The following EDA variants were observed in gnomAD, a reference collection of about 807,000 sequenced individuals.
EDA encodes the protein ectodysplasin-A.
EDA carries 2 observed loss-of-function variants against 23.6 expected under a neutral mutation model. That is an observed-to-expected ratio of 0.08 (90% confidence interval 0.03 to 0.27). The LOEUF (loss-of-function observed/expected upper bound fraction) is 0.27. Ranked by LOEUF, EDA falls within the 10% of genes least tolerant of loss-of-function variation. The probability of loss-of-function intolerance (pLI) is 1.00; values close to 1 mark genes in which losing one functional copy is unlikely to be tolerated. For synonymous variants in EDA, 131 were observed against 132.0 expected (o/e 0.99, Z 0.05); for missense variants, 229 against 324.2 (o/e 0.71, Z 2.26).
intron 1 of EDA, among the ~76,000 whole-genome samples, chrX:69,625,484 A>G (rs1932349739): frequency 9.0e-6 from 1 of 111,147 alleles, no homozygotes. Context: ...AGGCATATAT[A>G]TCAATGGAAC....
At chrX:69,714,408 A>G (rs2012229009) in intron 1 of EDA, among the ~76,000 whole-genome samples, 1 of 111,456 alleles carries the variant, frequency 9.0e-6, no homozygotes, top group South Asian at 3.7e-4. Flanking sequence ...AAATTTTGGT[A>G]AGGTCCAATT....
At chrX:70,023,722 G>A (rs927177606) in intron 3 of EDA, among the ~76,000 whole-genome samples, 3 of 110,354 alleles carry the variant, frequency 2.7e-5, no homozygotes, top group Non-Finnish European at 3.8e-5. Flanking sequence ...AACTAGATAC[G>A]CTACCTATCA....
At chrX:69,938,872 G>A (rs949394465) in intron 1 of EDA, among the ~76,000 whole-genome samples, 1 of 112,118 alleles carries the variant, frequency 8.9e-6, no homozygotes, top group African/African-American at 3.2e-5. Flanking sequence ...CCAAATGTAT[G>A]TTCTTGGAAC....
At chrX:69,981,351 G>A (rs1048382492) in intron 2 of EDA, among the ~76,000 whole-genome samples, 1 of 111,801 alleles carries the variant, frequency 8.9e-6, no homozygotes, top group Non-Finnish European at 1.9e-5. Context: ...AGAGAATTGA[G>A]CAGGAAATGT....
chrX:69,953,977 C>T (rs1314536071), intron 1 of EDA, among the ~76,000 whole-genome samples: 3 of 111,233 alleles, frequency 2.7e-5, no homozygotes, highest in African/African-American at 3.3e-5. Flanking sequence ...GTTACAAAAG[C>T]GTGTATATTT....
intron 1 of EDA, among the ~76,000 whole-genome samples, chrX:69,851,186 CGT>C (rs1402331408): frequency 1.3e-5 from 1 of 76,838 alleles, no homozygotes; most frequent in Admixed American, 1.3e-4. Context: ...TGTGTGTGCA[CGT>C]GTGTGTATAA....
chrX:69,833,091 TGA>T (rs1278611595), intron 1 of EDA, among the ~76,000 whole-genome samples: 19 of 111,680 alleles, frequency 1.7e-4, no homozygotes, highest in African/African-American at 5.9e-4. Flanking sequence ...ATAGGAGTGG[TGA>T]GAGAGGGCAT....
At chrX:69,692,398 C>T (rs1297780849) in intron 1 of EDA, among the ~76,000 whole-genome samples, 1 of 111,455 alleles carries the variant, frequency 9.0e-6, no homozygotes, top group Non-Finnish European at 1.9e-5. Flanking sequence ...GGGTAACTTT[C>T]ATCTCAATAG....
chrX:69,648,570 G>A (rs1432544831), intron 1 of EDA, among the ~76,000 whole-genome samples: 1 of 112,394 alleles, frequency 8.9e-6, no homozygotes, highest in Non-Finnish European at 1.9e-5. Flanking sequence ...CTGAGTCTAC[G>A]GATCAGCAGA....
intron 1 of EDA, among the ~76,000 whole-genome samples, chrX:69,815,510 C>T (rs1212006911): frequency 9.0e-6 from 1 of 111,453 alleles, no homozygotes; most frequent in African/African-American, 3.3e-5. Context: ...GTGGAGAAAA[C>T]AGACAGTCTG....
At chrX:69,929,778 A>G (rs1334646169) in intron 1 of EDA, among the ~76,000 whole-genome samples, 1 of 104,150 alleles carries the variant, frequency 9.6e-6, no homozygotes, top group African/African-American at 3.5e-5. Context: ...AATTCTTCTA[A>G]AATGGGAGAC....
rs1176391668 is a variant in EDA at position 69,625,833 on chromosome X, CT to C, written c.396+9142del. Among the ~76,000 whole-genome samples, 81 of 100,045 alleles carry C rather than the reference CT, an allele frequency of 8.1e-4. 1 individual carries two copies. The highest frequency in any genetic ancestry group is 1.3e-3 in the South Asian group (3 of 2,270). The allele number at this position is 100,045 out of a possible 115,157, so 86.9% of individuals were successfully genotyped here. On this transcript the variant is annotated intron_variant, in intron 1 of 7. Transcript: ENST00000374552. ...AGAAATGAACCGTTTTGGAAAGAAA[CT>C]TTTTTTTTTTTTCAAAAGAAAACCT...
intron 2 of EDA, among the ~76,000 whole-genome samples, chrX:69,999,857 C>T (rs967715306): frequency 9.0e-6 from 1 of 110,966 alleles, no homozygotes; most frequent in African/African-American, 3.3e-5. Flanking sequence ...TAACTACTAG[C>T]AAATCAAACC....
At chrX:69,800,239 G>A (rs755736078) in intron 1 of EDA, among the ~76,000 whole-genome samples, 2 of 111,737 alleles carry the variant, frequency 1.8e-5, no homozygotes, top group Admixed American at 9.5e-5. Context: ...GGGAGCAGGG[G>A]ATGACGTGGA....
chrX:69,831,530 G>A (rs1435970851), intron 1 of EDA, among the ~76,000 whole-genome samples: 2 of 112,465 alleles, frequency 1.8e-5, no homozygotes, highest in Non-Finnish European at 3.8e-5. Context: ...ATGTGCATGT[G>A]TCTTTATATT....
chrX:69,690,182 G>A (rs1302146337), intron 1 of EDA, among the ~76,000 whole-genome samples: 1 of 111,033 alleles, frequency 9.0e-6, no homozygotes, highest in Non-Finnish European at 1.9e-5. Context: ...ATAACCTCTA[G>A]TAACAATGCG....
At chrX:69,882,761 G>A (rs1346891593) in intron 1 of EDA, among the ~76,000 whole-genome samples, 1 of 110,653 alleles carries the variant, frequency 9.0e-6, no homozygotes, top group Non-Finnish European at 1.9e-5. Context: ...GGAGTGCAAT[G>A]GCGCTATCTC....
intron 1 of EDA, among the ~76,000 whole-genome samples, chrX:69,759,448 A>G (rs1343342521): frequency 8.9e-6 from 1 of 112,259 alleles, no homozygotes; most frequent in Non-Finnish European, 1.9e-5. Context: ...AAAAATCTGG[A>G]AGAAGGCCTC....
intron 1 of EDA, among the ~76,000 whole-genome samples, chrX:69,763,567 C>G (rs894370854): frequency 8.9e-6 from 1 of 111,995 alleles, no homozygotes; most frequent in Non-Finnish European, 1.9e-5. Context: ...GTGACCTCAA[C>G]TTTTGCAGTA....
Sources: allele counts gnomAD v4.1 joint callset (sites outside exome capture counted in the v4.1 genomes callset), GRCh38; gene constraint gnomAD v4.1.1; transcripts MANE v1.5; gene names NCBI Gene and HGNC (gene_info 2026-07-23, HGNC 2026-07-21).